Variants in PAK5 observed in about 807,000 individuals in gnomAD.
PAK5 encodes the protein p21 (RAC1) activated kinase 5, also known as serine/threonine-protein kinase PAK 5.
Under a neutral mutation model 65.9 loss-of-function variants are expected in PAK5, and 16 were observed. The observed-to-expected ratio is 0.24, with a 90% CI of 0.16 to 0.37. The LOEUF is 0.37. Ranked by LOEUF, PAK5 falls within the 10% of genes least tolerant of loss-of-function variation. The pLI is 1.00. For missense variants in PAK5, 785 were observed against 903.9 expected, an observed-to-expected ratio of 0.87 and a Z score of 1.69; for synonymous variants, 371 against 354.9, an observed-to-expected ratio of 1.05 and a Z score of -0.51.
At chr20:9,630,169 A>C (rs1384665049) in intron 3 of PAK5, among the ~76,000 whole-genome samples, 1 of 152,196 alleles carries the variant, frequency 6.6e-6, no homozygotes, top group Admixed American at 6.5e-5. Context: ...ACAGAATCAG[A>C]ATCTGATGAT....
At position 9,618,915 on chromosome 20, in the gene PAK5, G is replaced by GTTTTTT. The variant is rs150725498; in HGVS notation, c.204+25204_204+25209dup. Among the ~76,000 whole-genome samples the GTTTTTT allele has an allele frequency of 1.4e-3, 27 of 18,842 alleles. 7 individuals are homozygous for GTTTTTT. Among genetic ancestry groups the GTTTTTT allele is most frequent in the Admixed American group, 2.7e-3 (3 of 1,116 alleles). 12.4% of individuals were successfully genotyped at this position (18,842 alleles called of 152,430 possible). On this transcript the variant is annotated intron_variant, in intron 3 of 9. Coordinates refer to ENST00000353224, the MANE Select transcript of PAK5 (RefSeq NM_177990.4). ...AGATTCTTTTCTCTCTCTTTCTTTC[G>GTTTTTT]TTTTTTTTTTTTTTTTTTTTTTTTT...
chr20:9,727,841 T>C (rs1409322219), intron 1 of PAK5, among the ~76,000 whole-genome samples: 1 of 152,178 alleles, frequency 6.6e-6, no homozygotes, highest in African/African-American at 2.4e-5. Context: ...GTACATGTTC[T>C]TATTATTTTT....
intron 1 of PAK5, among the ~76,000 whole-genome samples, chr20:9,824,280 G>T (rs1300813531): frequency 6.6e-6 from 1 of 152,224 alleles, no homozygotes; most frequent in Non-Finnish European, 1.5e-5. Context: ...AAGGCCGTGT[G>T]TGGTGGCTTA....
At chr20:9,778,862 G>A (rs1425552563) in intron 1 of PAK5, among the ~76,000 whole-genome samples, 1 of 152,132 alleles carries the variant, frequency 6.6e-6, no homozygotes, top group Non-Finnish European at 1.5e-5. Flanking sequence ...GTAAGTTGAG[G>A]TAGAGAACAT....
chr20:9,685,957 T>G (rs1445484461), intron 2 of PAK5, among the ~76,000 whole-genome samples: 1 of 152,212 alleles, frequency 6.6e-6, no homozygotes, highest in Non-Finnish European at 1.5e-5. Context: ...ATTAGCAAAG[T>G]GTTGCTACAT....
chr20:9,649,005 C>T (rs6056777), intron 2 of PAK5, among the ~76,000 whole-genome samples: 51,257 of 152,090 alleles, frequency 0.34, 9,390 homozygotes, highest in Non-Finnish European at 0.42. Context: ...CACAGCATAC[C>T]TCCTTCCACT....
At chr20:9,702,115 G>T (rs769263074) in intron 2 of PAK5, among the ~76,000 whole-genome samples, 9 of 152,142 alleles carry the variant, frequency 5.9e-5, no homozygotes, top group Non-Finnish European at 1.2e-4. Context: ...TGACACCAGA[G>T]AAATGATTTA....
At chr20:9,542,788 G>A in intron 8 of PAK5, 68 bp from the exon 9 acceptor site, 1 of 1,407,380 alleles carries the variant, frequency 7.1e-7, no homozygotes, top group Non-Finnish European at 9.9e-7. Flanking sequence ...TGTGTCCACA[G>A]AACCTCATAC....
chr20:9,629,419 C>T (rs373980870), intron 3 of PAK5, among the ~76,000 whole-genome samples: 1 of 152,130 alleles, frequency 6.6e-6, no homozygotes, highest in African/African-American at 2.4e-5. Context: ...TGCCTTCTTA[C>T]CTGTATCCTC....
At chr20:9,553,416 A>C (rs1316053624) in intron 7 of PAK5, among the ~76,000 whole-genome samples, 2 of 152,048 alleles carry the variant, frequency 1.3e-5, no homozygotes, top group Non-Finnish European at 2.9e-5. Context: ...ACCTATTATA[A>C]CCACCACCAA....
chr20:9,718,278 T>G (rs1361170584), intron 1 of PAK5, among the ~76,000 whole-genome samples: 1 of 152,108 alleles, frequency 6.6e-6, no homozygotes, highest in Non-Finnish European at 1.5e-5. Flanking sequence ...CTCTGCATGC[T>G]TTTTTCCCCT....
At chr20:9,641,908 C>T (rs2047072352) in intron 3 of PAK5, among the ~76,000 whole-genome samples, 1 of 152,188 alleles carries the variant, frequency 6.6e-6, no homozygotes, top group South Asian at 2.1e-4. Flanking sequence ...AGCCCACGCC[C>T]ACCCGGAACT....
chr20:9,674,651 G>A lies in PAK5; in HGVS notation c.-11-30312C>T, dbSNP rs147446270. ...CTTAAGTTGAGTATGCAGAAGCAGA[G>A]CCTGAAGCAGTGATTTAAATGCTCG... On this transcript the variant is annotated intron_variant, in intron 2 of 9. Transcript: ENST00000353224. Among the ~76,000 whole-genome samples the A allele has an allele frequency of 2.2e-4, 34 of 152,314 alleles. No individual in the cohort carries two copies. In the East Asian group the frequency reaches 6.5e-3, roughly 29 times the overall value.
At chr20:9,824,769 C>A (rs2049464491) in intron 1 of PAK5, among the ~76,000 whole-genome samples, 1 of 152,170 alleles carries the variant, frequency 6.6e-6, no homozygotes, top group African/African-American at 2.4e-5. Flanking sequence ...GCACTGATGA[C>A]CTTCTGGCAT....
chr20:9,714,257 G>A lies in PAK5; in HGVS notation c.-161-2822C>T, dbSNP rs185548640. 8.7e-4 allele frequency among the ~76,000 whole-genome samples: 133 copies of A among 152,158 alleles called. 3 individuals are homozygous for A. The East Asian group carries it at 0.019, about 22-fold the overall frequency. Reference sequence around the variant, plus strand: ...AAAATTTCCCTGAAAATAATTGTAGGTTAATAGTTCGCCTTGTCTATTATA... The same window carrying A: ...AAAATTTCCCTGAAAATAATTGTAGATTAATAGTTCGCCTTGTCTATTATA... On this transcript the variant is annotated intron_variant, in intron 1 of 9. Transcript: ENST00000353224.
chr20:9,552,298 A>C (rs1461586875), intron 7 of PAK5, among the ~76,000 whole-genome samples: 2 of 152,214 alleles, frequency 1.3e-5, no homozygotes, highest in African/African-American at 2.4e-5. Context: ...TCAGTCACTC[A>C]CTGCTCACTG....
At chr20:9,541,234 G>A (rs936796987) in intron 9 of PAK5, among the ~76,000 whole-genome samples, 1 of 152,082 alleles carries the variant, frequency 6.6e-6, no homozygotes, top group Non-Finnish European at 1.5e-5. Flanking sequence ...CTCTTTTATT[G>A]TCATAAGATA....
chr20:9,787,619 ATGTGTG>A (rs3061911), intron 1 of PAK5, among the ~76,000 whole-genome samples: 53,386 of 146,450 alleles, frequency 0.36, 9,974 homozygotes, highest in Non-Finnish European at 0.43. Flanking sequence ...TATGAAAAGG[ATGTGTG>A]TGTGTGTGTG....
Position 9,758,435 on chromosome 20 carries a change from T to A in PAK5, c.-161-47000A>T, listed in dbSNP as rs932079374. Among the ~76,000 whole-genome samples, 8 of 152,184 alleles carry A rather than the reference T, an allele frequency of 5.3e-5. No individual in the cohort carries two copies. In the South Asian group the frequency reaches 6.2e-4, roughly 12 times the overall value. Reference sequence around the variant, plus strand: ...TGCCAAGCCCGTGCAACAACAGTGATGTCTCCTTCCTATCCATGCCTACCA... The same window carrying A: ...TGCCAAGCCCGTGCAACAACAGTGAAGTCTCCTTCCTATCCATGCCTACCA... On this transcript the variant is annotated intron_variant, in intron 1 of 9. Coordinates refer to ENST00000353224, the MANE Select transcript of PAK5 (RefSeq NM_177990.4).
Sources: gnomAD v4.1 joint callset for allele counts (sites outside exome capture counted in the v4.1 genomes callset) on GRCh38, gnomAD v4.1.1 for gene constraint, MANE v1.5 for transcripts, NCBI Gene and HGNC (gene_info 2026-07-23, HGNC 2026-07-21) for gene names.